The following DCAF8L2 variants were observed in gnomAD, a reference collection of about 807,000 sequenced individuals.
DCAF8L2 encodes the protein DDB1- and CUL4-associated factor 8-like protein 2.
For synonymous variants in DCAF8L2, 200 were observed against 190.9 expected (o/e 1.05, Z -0.39); for missense variants, 430 against 490.7 (o/e 0.88, Z 1.17).
intron 3 of DCAF8L2, among the ~76,000 whole-genome samples, chrX:27,684,031 G>A (rs1453772340): frequency 2.7e-5 from 3 of 112,705 alleles, no homozygotes; most frequent in East Asian, 2.8e-4. Context: ...GAATATCAGA[G>A]TTCTTTGCAT....
chrX:27,689,844 AAC>A (rs373744703), intron 3 of DCAF8L2, among the ~76,000 whole-genome samples: 388 of 112,268 alleles, frequency 3.5e-3, no homozygotes, highest in African/African-American at 0.012. Context: ...CAGAAAAACA[AAC>A]ACATAATGAA....
chrX:27,492,729 C>T, the DCAF8L2 span, among the ~76,000 whole-genome samples: 2 of 111,562 alleles, frequency 1.8e-5, no homozygotes, highest in South Asian at 7.5e-4. Flanking sequence ...GATCCACCCG[C>T]CTCAGCCTCC....
At chrX:27,510,368 C>T in the DCAF8L2 span, among the ~76,000 whole-genome samples, 3 of 103,300 alleles carry the variant, frequency 2.9e-5, no homozygotes, top group Admixed American at 1.1e-4. Flanking sequence ...TTATAAAATA[C>T]GATTATCTTT....
chrX:27,546,732 T>G, the DCAF8L2 span, among the ~76,000 whole-genome samples: 1 of 112,222 alleles, frequency 8.9e-6, no homozygotes, highest in Non-Finnish European at 1.9e-5. Context: ...TGTACCTTGG[T>G]CCCTTTTAGC....
chrX:27,592,742 T>A (rs111889179), intron 1 of DCAF8L2, among the ~76,000 whole-genome samples: 13,183 of 108,785 alleles, frequency 0.12, 1,745 homozygotes, highest in African/African-American at 0.39. Flanking sequence ...ATCTGGCCAG[T>A]GGGCATTGTT....
intron 2 of DCAF8L2, among the ~76,000 whole-genome samples, chrX:27,648,982 C>T (rs1302751305): frequency 9.0e-6 from 1 of 111,703 alleles, no homozygotes; most frequent in Non-Finnish European, 1.9e-5. Flanking sequence ...ATATTAACAT[C>T]ACCCGGAAAT....
the DCAF8L2 span, among the ~76,000 whole-genome samples, chrX:27,541,140 C>T: frequency 1.8e-5 from 2 of 111,032 alleles, no homozygotes; most frequent in Non-Finnish European, 3.8e-5. Context: ...AATGTGTATA[C>T]ATGGGACCTT....
intron 2 of DCAF8L2, among the ~76,000 whole-genome samples, chrX:27,639,068 T>C (rs187153840): frequency 1.3e-3 from 142 of 112,314 alleles, no homozygotes; most frequent in African/African-American, 4.4e-3. Flanking sequence ...CATCACGGGA[T>C]CTCTGTTAAT....
intron 2 of DCAF8L2, among the ~76,000 whole-genome samples, chrX:27,676,102 G>C (rs1330801193): frequency 1.8e-5 from 2 of 111,493 alleles, no homozygotes; most frequent in African/African-American, 6.5e-5. Flanking sequence ...TCTTGAGTCA[G>C]TTCCCAAGCC....
the DCAF8L2 span, chrX:27,519,501 T>C: frequency 1.1e-6 from 1 of 935,596 alleles, no homozygotes; most frequent in Non-Finnish European, 1.5e-6. Context: ...ACAAAGCTTT[T>C]GCAACCCAGG....
the DCAF8L2 span, among the ~76,000 whole-genome samples, chrX:27,522,407 A>T: frequency 4.5e-3 from 500 of 111,939 alleles, 3 homozygotes; most frequent in Non-Finnish European, 7.5e-3. Flanking sequence ...TCATTTTGTC[A>T]TACTTTATTG....
chrX:27,543,307 A>T, the DCAF8L2 span, among the ~76,000 whole-genome samples: 34 of 111,406 alleles, frequency 3.1e-4, no homozygotes, highest in African/African-American at 1.0e-3. Context: ...GTGCAGCTTT[A>T]TTTCTGGGTT....
chrX:27,712,849 G>A (rs758748492), intron 3 of DCAF8L2, among the ~76,000 whole-genome samples: 1 of 112,086 alleles, frequency 8.9e-6, no homozygotes, highest in Non-Finnish European at 1.9e-5. Context: ...GAAACCACTA[G>A]TGGAAGCTTT....
At chrX:27,703,194 T>G (rs1005492549) in intron 3 of DCAF8L2, among the ~76,000 whole-genome samples, 1 of 111,440 alleles carries the variant, frequency 9.0e-6, no homozygotes, top group African/African-American at 3.3e-5. Flanking sequence ...AAATGAAAGA[T>G]TTAAATAAAT....
the DCAF8L2 span, among the ~76,000 whole-genome samples, chrX:27,550,527 G>A: frequency 9.0e-6 from 1 of 110,741 alleles, no homozygotes; most frequent in African/African-American, 3.3e-5. Flanking sequence ...TTTCTTTTTG[G>A]TGATAGCTTA....
chrX:27,510,935 A>G, the DCAF8L2 span, among the ~76,000 whole-genome samples: 2 of 111,487 alleles, frequency 1.8e-5, no homozygotes, highest in African/African-American at 6.5e-5. Flanking sequence ...ATCAGGAGTC[A>G]GAAGTAATGT....
At chrX:27,577,358 AGTTTACGGAGTT>A in the DCAF8L2 span, among the ~76,000 whole-genome samples, 5 of 111,844 alleles carry the variant, frequency 4.5e-5, no homozygotes, top group African/African-American at 1.6e-4. Context: ...ATCAAAGAAA[AGTTTACGGAGTT>A]GTGCCTGACA....
the DCAF8L2 span, among the ~76,000 whole-genome samples, chrX:27,538,573 T>TA: frequency 4.0e-4 from 44 of 110,359 alleles, no homozygotes; most frequent in African/African-American, 1.5e-3. Flanking sequence ...TTTGTATTTT[T>TA]AGTAGAGATG....
the DCAF8L2 span, among the ~76,000 whole-genome samples, chrX:27,567,462 T>G: frequency 2.0e-5 from 2 of 101,507 alleles, no homozygotes; most frequent in Admixed American, 1.1e-4. Flanking sequence ...AATGGACCCT[T>G]GCTTCATTAT....
Sources: allele counts gnomAD v4.1 joint callset (sites outside exome capture counted in the v4.1 genomes callset), GRCh38; gene constraint gnomAD v4.1.1; transcripts MANE v1.5; gene names NCBI Gene and HGNC (gene_info 2026-07-23, HGNC 2026-07-21).